The following CASR variants were observed in gnomAD, a reference collection of about 807,000 sequenced individuals.
The protein encoded by CASR is extracellular calcium-sensing receptor.
In CASR, 23 loss-of-function variants were observed where a neutral mutation model predicts 69.1. The ratio of observed to expected loss-of-function variants is 0.33; its 90% confidence interval spans 0.24 to 0.47. The LOEUF is 0.47. Among genes scored for constraint, CASR ranks in the 20% least tolerant of loss-of-function variants. CASR has a pLI of 1.00. For missense variants in CASR, 924 were observed against 1,356.1 expected (o/e 0.68, Z 5.00); for synonymous variants, 541 against 544.7 (o/e 0.99, Z 0.10).
intron 1 of CASR, among the ~76,000 whole-genome samples, chr3:122,206,053 T>C: frequency 6.6e-6 from 1 of 151,984 alleles, no homozygotes; most frequent in East Asian, 1.9e-4. Context: ...TATTTGGATG[T>C]TCTTTATTTC....
At chr3:122,207,768 G>C (rs780726806) in intron 1 of CASR, among the ~76,000 whole-genome samples, 1 of 152,008 alleles carries the variant, frequency 6.6e-6, no homozygotes, top group Non-Finnish European at 1.5e-5. Context: ...ATTACTTTTC[G>C]TTACTGTTGT....
At chr3:122,193,103 T>G (rs2073854227) in intron 1 of CASR, among the ~76,000 whole-genome samples, 1 of 152,150 alleles carries the variant, frequency 6.6e-6, no homozygotes, top group South Asian at 2.1e-4. Flanking sequence ...CCCCTCACAT[T>G]GTATCTTTTT....
At chr3:122,230,130 G>T (rs1396011203) in intron 1 of CASR, among the ~76,000 whole-genome samples, 1 of 152,226 alleles carries the variant, frequency 6.6e-6, no homozygotes, top group Non-Finnish European at 1.5e-5. Context: ...TGTTTCTGGT[G>T]TTTCTGGTCT....
At position 122,276,026 on chromosome 3, in the gene CASR, G is replaced by A. The variant is rs764669682; in HGVS notation, c.1592G>A (p.Ser531Asn). The A allele has an allele frequency of 1.9e-6, 3 of 1,611,778 alleles. No homozygotes were observed. The highest frequency in any genetic ancestry group is 2.2e-5 in the East Asian group (1 of 44,876). The change falls in exon 5 of 7, where the codon AGT becomes AAT. Residue 531 changes from serine to asparagine, a missense_variant. This residue lies in a region of CASR where 310 missense variants were observed against 395.7 expected (regional missense o/e 0.78). Coordinates refer to ENST00000639785, the MANE Select transcript of CASR (RefSeq NM_000388.4). ...LFINEEKILW[S>N]GFSREVPFSN... ...ATCAACGAGGAGAAAATCCTGTGGA[G>A]TGGGTTCTCCAGGGAGGTAGGTGCT...
At chr3:122,199,644 G>A (rs1814740) in intron 1 of CASR, among the ~76,000 whole-genome samples, 79,772 of 151,760 alleles carry the variant, frequency 0.53, 21,969 homozygotes, top group African/African-American at 0.63. Context: ...GAATGTGAGG[G>A]TTTAAAAAAA....
chr3:122,251,505 C>A lies in CASR; in HGVS notation c.-242-2443C>A, dbSNP rs1001595877. On this transcript the variant is annotated intron_variant, in intron 1 of 6. Coordinates refer to ENST00000639785, the MANE Select transcript of CASR (RefSeq NM_000388.4). Reference sequence around the variant, plus strand: ...GAAGGAGCTCTTTTCCTCATTCACCCGAAGGCCTACAGTTCACCCAGACAT... The same window carrying A: ...GAAGGAGCTCTTTTCCTCATTCACCAGAAGGCCTACAGTTCACCCAGACAT... Among the ~76,000 whole-genome samples the A allele has an allele frequency of 7.2e-5, 11 of 152,194 alleles. No homozygotes were observed. The East Asian group carries it at 1.9e-3, about 27-fold the overall frequency.
Position 122,285,072 on chromosome 3 carries a change from C to T in CASR, c.3118C>T (p.Gln1040Ter), listed in dbSNP as rs1007139212. ...TCTGCAAGGACCTGTGGGTGGAGAC[C>T]AGCGGCCAGAGGTGGAGGACCCTGA... ...TGLQGPVGGD[Q>*]RPEVEDPEEL... The change falls in exon 7 of 7, where the codon CAG (glutamine) becomes TAG (stop). Residue 1040 changes from glutamine (Q) to a stop codon, truncating the protein, a stop_gained. Transcript: ENST00000639785. LOFTEE classifies it high-confidence loss of function. 1 of 1,614,204 alleles carries T rather than the reference C, an allele frequency of 6.2e-7. No individual in the cohort carries two copies. The highest frequency in any genetic ancestry group is 8.5e-7 in the Non-Finnish European group (1 of 1,180,036).
intron 3 of CASR, among the ~76,000 whole-genome samples, chr3:122,260,267 A>G (rs1274072327): frequency 6.6e-6 from 1 of 152,198 alleles, no homozygotes; most frequent in African/African-American, 2.4e-5. Context: ...AAGAAGTGGG[A>G]AAGCTCTGCA....
chr3:122,255,057 T>C (rs1156411515), intron 2 of CASR, among the ~76,000 whole-genome samples: 3 of 152,086 alleles, frequency 2.0e-5, no homozygotes, highest in Non-Finnish European at 4.4e-5. Flanking sequence ...TCAAATATTT[T>C]CTTCTCCAAG....
chr3:122,250,836 C>CT (rs1419344461), intron 1 of CASR, among the ~76,000 whole-genome samples: 18 of 150,910 alleles, frequency 1.2e-4, no homozygotes, highest in African/African-American at 2.2e-4. Context: ...GAAAAAGTTA[C>CT]TTTTTTTTTT....
chr3:122,259,383 A>T (rs2074593707), intron 3 of CASR, among the ~76,000 whole-genome samples: 1 of 152,184 alleles, frequency 6.6e-6, no homozygotes, highest in Admixed American at 6.5e-5. Context: ...CTGAAAAACA[A>T]TAACATCTAA....
chr3:122,259,572 G>C (rs528278674), intron 3 of CASR, among the ~76,000 whole-genome samples: 1 of 136,806 alleles, frequency 7.3e-6, no homozygotes, highest in East Asian at 1.9e-4. Flanking sequence ...ACAGACCAAC[G>C]CCTTTTATGT....
At chr3:122,273,822 T>C (rs1403978147) in intron 4 of CASR, among the ~76,000 whole-genome samples, 1 of 152,018 alleles carries the variant, frequency 6.6e-6, no homozygotes, top group African/African-American at 2.4e-5. Context: ...CATGTTCCTC[T>C]GAGGGCAAGA....
At chr3:122,282,361 T>A in intron 6 of CASR, 125 bp downstream of exon 6, 1 of 917,766 alleles carries the variant, frequency 1.1e-6, no homozygotes, top group Non-Finnish European at 1.8e-6. Context: ...AACAAAGGTA[T>A]ATCTGAGCAT....
chr3:122,264,792 GA>G (rs1402810709), intron 4 of CASR, among the ~76,000 whole-genome samples: 1 of 152,168 alleles, frequency 6.6e-6, no homozygotes, highest in Non-Finnish European at 1.5e-5. Flanking sequence ...GCCAGGAGAT[GA>G]ACTAGCAATT....
At chr3:122,247,426 A>G (rs964939587) in intron 1 of CASR, 1 of 152,176 alleles carries the variant, frequency 6.6e-6, no homozygotes, top group African/African-American at 2.4e-5. Flanking sequence ...TTTATGTAGG[A>G]CTTGAGGCTC....
Position 122,285,523 on chromosome 3 carries a change from C to T in CASR, c.*332C>T, listed in dbSNP as rs1273542859. On this transcript the variant is annotated 3_prime_UTR_variant, in exon 7 of 7. Coordinates refer to ENST00000639785, the MANE Select transcript of CASR (RefSeq NM_000388.4). ...AGATGAAACTATGGCTTTAAACTAC[C>T]CTCCAGAGTGTGCAGACTGATGGGA... The T allele has an allele frequency of 2.9e-6, 1 of 343,768 alleles. No individual in the cohort carries two copies. 21.3% of individuals were successfully genotyped at this position (343,768 alleles called of 1,614,324 possible).
intron 3 of CASR, among the ~76,000 whole-genome samples, 188 bp from the exon 4 acceptor site, chr3:122,261,340 C>T (rs2074618995): frequency 6.6e-6 from 1 of 152,210 alleles, no homozygotes; most frequent in African/African-American, 2.4e-5. Context: ...TGCTTAAGTG[C>T]TCACTCTGGA....
intron 4 of CASR, among the ~76,000 whole-genome samples, chr3:122,270,620 A>G (rs1021367325): frequency 1.3e-5 from 2 of 152,178 alleles, no homozygotes; most frequent in South Asian, 2.1e-4. Flanking sequence ...TTCTTTTCTT[A>G]TAATATAGAC....
Sources: gnomAD v4.1 joint callset for allele counts (sites outside exome capture counted in the v4.1 genomes callset) on GRCh38, gnomAD v4.1.1 for gene constraint, gnomAD v4.1.1 regional missense constraint, MANE v1.5 for transcripts, NCBI Gene and HGNC (gene_info 2026-07-23, HGNC 2026-07-21) for gene names.